The following LINGO2 variants were observed in gnomAD, a reference collection of about 807,000 sequenced individuals.
LINGO2 encodes leucine-rich repeat and immunoglobulin-like domain-containing nogo receptor-interacting protein 2.
A neutral mutation model predicts 30.6 loss-of-function variants in LINGO2; 14 were observed. The ratio of observed to expected loss-of-function variants is 0.46; its 90% CI spans 0.30 to 0.72. LINGO2 has a LOEUF of 0.72. Among genes scored for constraint, LINGO2 ranks in the 30% least tolerant of loss-of-function variants. The pLI is 0.07. For synonymous variants in LINGO2, 317 were observed against 288.5 expected, an observed-to-expected ratio of 1.10 and a Z score of -1.00; for missense variants, 729 against 751.7, an observed-to-expected ratio of 0.97 and a Z score of 0.35.
At chr9:28,913,982 C>A in the LINGO2 span, among the ~76,000 whole-genome samples, 1 of 152,040 alleles carries the variant, frequency 6.6e-6, no homozygotes. Context: ...ACTGACATAT[C>A]GGCTTCATTG....
At chr9:28,615,038 T>C (rs1024650985) in intron 1 of LINGO2, among the ~76,000 whole-genome samples, 7 of 152,138 alleles carry the variant, frequency 4.6e-5, no homozygotes, top group Admixed American at 3.9e-4. Flanking sequence ...ATCTTCTTTG[T>C]ATGGAAAATA....
chr9:28,708,616 A>G, the LINGO2 span, among the ~76,000 whole-genome samples: 1 of 152,134 alleles, frequency 6.6e-6, no homozygotes, highest in African/African-American at 2.4e-5. Context: ...GTGTGAAACA[A>G]TGAGGGAACT....
intron 5 of LINGO2, among the ~76,000 whole-genome samples, chr9:27,973,271 C>G (rs1820438262): frequency 6.6e-6 from 1 of 152,128 alleles, no homozygotes; most frequent in African/African-American, 2.4e-5. Flanking sequence ...GCAGTGGATT[C>G]TCCAGTTTTA....
At chr9:28,706,992 C>A in the LINGO2 span, among the ~76,000 whole-genome samples, 2,268 of 152,136 alleles carry the variant, frequency 0.015, 47 homozygotes, top group Admixed American at 0.033. Context: ...AATCATTCCT[C>A]CCTACTCCTG....
chr9:29,150,148 T>G, the LINGO2 span, among the ~76,000 whole-genome samples: 1 of 152,098 alleles, frequency 6.6e-6, no homozygotes, highest in Non-Finnish European at 1.5e-5. Flanking sequence ...GCAGCCCAAA[T>G]CACAATACCA....
chr9:28,190,069 A>T (rs1484623800), intron 4 of LINGO2, among the ~76,000 whole-genome samples: 1 of 152,134 alleles, frequency 6.6e-6, no homozygotes, highest in African/African-American at 2.4e-5. Flanking sequence ...AGTTCTTTAA[A>T]CGTTTCACAA....
At chr9:28,595,682 T>C (rs1825139810) in intron 1 of LINGO2, among the ~76,000 whole-genome samples, 1 of 152,116 alleles carries the variant, frequency 6.6e-6, no homozygotes, top group Admixed American at 6.6e-5. Flanking sequence ...GAAAACGATA[T>C]AATATATGAT....
intron 2 of LINGO2, among the ~76,000 whole-genome samples, chr9:28,461,039 T>C (rs909510729): frequency 1.3e-5 from 2 of 152,148 alleles, no homozygotes; most frequent in African/African-American, 2.4e-5. Flanking sequence ...ATAAATTCAT[T>C]CTTGTTTGTC....
rs1820033304 is a variant in LINGO2, at chr9:27,965,096, G to A, written c.-35-14390C>T. Among the ~76,000 whole-genome samples the A allele has an allele frequency of 2.0e-5, 3 of 151,858 alleles. No homozygotes were observed. In the South Asian group the frequency reaches 6.5e-4, roughly 33 times the overall value. On this transcript the variant is annotated intron_variant, in intron 5 of 5. Coordinates refer to ENST00000379992, the Ensembl canonical transcript of LINGO2. ...GAAGGAGTTAGACAGAAGTCATGAT[G>A]TGTCTTTAACTACAGGCAAAGACTA... is the stretch of plus-strand genomic sequence containing the variant.
chr9:29,027,325 TA>T, the LINGO2 span, among the ~76,000 whole-genome samples: 1 of 152,278 alleles, frequency 6.6e-6, no homozygotes, highest in Middle Eastern at 3.4e-3. Context: ...ATGACTTTTT[TA>T]AAAGTTTCTA....
chr9:28,509,389 A>C (rs769727909), intron 1 of LINGO2, among the ~76,000 whole-genome samples: 1 of 152,132 alleles, frequency 6.6e-6, no homozygotes, highest in African/African-American at 2.4e-5. Context: ...TTTTTGATTG[A>C]AGTTCTGACT....
intron 1 of LINGO2, among the ~76,000 whole-genome samples, chr9:28,477,785 T>C (rs1309634522): frequency 6.6e-6 from 1 of 152,224 alleles, no homozygotes; most frequent in Non-Finnish European, 1.5e-5. Context: ...ATCATCATTT[T>C]ACTTCTTTGG....
the LINGO2 span, among the ~76,000 whole-genome samples, chr9:28,907,800 G>T: frequency 1.3e-5 from 2 of 151,700 alleles, no homozygotes; most frequent in African/African-American, 4.8e-5. Flanking sequence ...GGAAATAGTT[G>T]ATAGGGGCTA....
the LINGO2 span, among the ~76,000 whole-genome samples, chr9:28,819,961 C>T: frequency 3.9e-5 from 6 of 152,216 alleles, no homozygotes; most frequent in African/African-American, 1.2e-4. Flanking sequence ...AAATCCCCCA[C>T]CCTCTGAATC....
chr9:28,826,826 T>TAGC, the LINGO2 span, among the ~76,000 whole-genome samples: 1 of 152,292 alleles, frequency 6.6e-6, no homozygotes, highest in African/African-American at 2.4e-5. Flanking sequence ...AGCTGCACGA[T>TAGC]TGCAGTAAAG....
intron 2 of LINGO2, among the ~76,000 whole-genome samples, chr9:28,464,211 T>A (rs897533700): frequency 6.6e-6 from 1 of 152,168 alleles, no homozygotes; most frequent in Admixed American, 6.5e-5. Context: ...GGATCTAAGC[T>A]ACAGAGTGAT....
the LINGO2 span, among the ~76,000 whole-genome samples, chr9:28,747,253 G>T: frequency 6.6e-6 from 1 of 151,942 alleles, no homozygotes; most frequent in South Asian, 2.1e-4. Flanking sequence ...GAGTTTGGCT[G>T]GGGACCATTA....
At chr9:28,616,330 C>T (rs944614811) in intron 1 of LINGO2, among the ~76,000 whole-genome samples, 2 of 152,106 alleles carry the variant, frequency 1.3e-5, no homozygotes, top group Non-Finnish European at 2.9e-5. Flanking sequence ...CACATACACA[C>T]ATGTGAAATA....
At chr9:28,285,758 A>G (rs144171558) in intron 4 of LINGO2, among the ~76,000 whole-genome samples, 297 of 152,172 alleles carry the variant, frequency 2.0e-3, no homozygotes, top group Middle Eastern at 3.4e-3. Context: ...GGCCTTACTT[A>G]AAGTCAGATA....
Sources: gnomAD v4.1 joint callset for allele counts (sites outside exome capture counted in the v4.1 genomes callset) on GRCh38, gnomAD v4.1.1 for gene constraint, MANE v1.5 for transcripts, NCBI Gene and HGNC (gene_info 2026-07-23, HGNC 2026-07-21) for gene names.